The following GPC5 variants were observed in gnomAD, a reference collection of about 807,000 sequenced individuals.
The protein encoded by GPC5 is glypican 5.
Under a neutral mutation model 53.9 loss-of-function variants are expected in GPC5, and 47 were observed. The ratio of observed to expected loss-of-function variants is 0.87; its 90% CI spans 0.69 to 1.11. GPC5 has a LOEUF of 1.11. Among genes scored for constraint, GPC5 ranks in the 50% most tolerant of loss-of-function variants. The pLI is 0.00. For missense variants in GPC5, 748 were observed against 713.1 expected (o/e 1.05, Z -0.56); for synonymous variants, 286 against 263.3 (o/e 1.09, Z -0.84).
chr13:91,966,929 A>G (rs2040186450), intron 6 of GPC5, among the ~76,000 whole-genome samples: 1 of 152,218 alleles, frequency 6.6e-6, no homozygotes, highest in Admixed American at 6.5e-5. Context: ...CTTGAAGTTA[A>G]ATATTTGAAT....
intron 5 of GPC5, among the ~76,000 whole-genome samples, chr13:91,757,838 T>G (rs1254519821): frequency 2.6e-5 from 4 of 152,158 alleles, no homozygotes; most frequent in African/African-American, 9.6e-5. Context: ...ACAAAAGTGA[T>G]GAGTTCATTT....
intron 6 of GPC5, among the ~76,000 whole-genome samples, chr13:92,131,050 G>C (rs2041739023): frequency 6.6e-6 from 1 of 151,694 alleles, no homozygotes; most frequent in African/African-American, 2.4e-5. Context: ...ACTTGAATAG[G>C]CACTTTATTA....
At chr13:92,381,934 A>G (rs1356092378) in intron 7 of GPC5, among the ~76,000 whole-genome samples, 1 of 71,222 alleles carries the variant, frequency 1.4e-5, no homozygotes, top group Non-Finnish European at 3.3e-5. Flanking sequence ...ATATATGATT[A>G]TATATGAAAT....
chr13:92,091,793 A>G (rs1178073831), intron 6 of GPC5, among the ~76,000 whole-genome samples: 1 of 151,602 alleles, frequency 6.6e-6, no homozygotes, highest in Non-Finnish European at 1.5e-5. Context: ...ATGTGAAAGC[A>G]GTCAGGTTTT....
intron 7 of GPC5, among the ~76,000 whole-genome samples, chr13:92,666,242 G>C (rs1886560727): frequency 6.6e-6 from 1 of 152,014 alleles, no homozygotes; most frequent in Admixed American, 6.6e-5. Context: ...CCCTAGTGTT[G>C]TTTAGGATAC....
chr13:91,963,278 A>G (rs2139078092), intron 6 of GPC5, among the ~76,000 whole-genome samples: 2 of 152,272 alleles, frequency 1.3e-5, no homozygotes, highest in South Asian at 2.1e-4. Flanking sequence ...AACTATATGG[A>G]AAGCAAGGTG....
intron 7 of GPC5, among the ~76,000 whole-genome samples, chr13:92,540,075 A>G (rs2139000901): frequency 6.6e-6 from 1 of 152,082 alleles, no homozygotes; most frequent in South Asian, 2.1e-4. Context: ...TCATTATGTG[A>G]CTGTTTATAG....
chr13:92,507,199 CT>C (rs1477850278), intron 7 of GPC5, among the ~76,000 whole-genome samples: 1 of 152,176 alleles, frequency 6.6e-6, no homozygotes, highest in Non-Finnish European at 1.5e-5. Context: ...CAACTACTTA[CT>C]CAACCATCCC....
rs539971720 is a variant in GPC5 at position 92,297,926 on chromosome 13, G to C, written c.1561+152937G>C. ...ACTCCTGAGCCCAGCGAGAACACGA[G>C]CCCACTGGGAGGAACGAACAACTCC... On this transcript the variant is annotated intron_variant, in intron 7 of 7. Transcript: ENST00000377067. Among the ~76,000 whole-genome samples, 4 of 152,030 alleles carry C rather than the reference G, an allele frequency of 2.6e-5. No individual in the cohort carries two copies. The South Asian group carries it at 8.3e-4, about 32-fold the overall frequency.
chr13:92,582,871 T>A (rs1883414650), intron 7 of GPC5, among the ~76,000 whole-genome samples: 1 of 152,176 alleles, frequency 6.6e-6, no homozygotes, highest in African/African-American at 2.4e-5. Flanking sequence ...TTCTTTATTA[T>A]TTCTAATAGT....
At chr13:91,954,554 A>G (rs1205669474) in intron 6 of GPC5, among the ~76,000 whole-genome samples, 1 of 20,968 alleles carries the variant, frequency 4.8e-5, no homozygotes, top group East Asian at 3.0e-3. Flanking sequence ...ACTTCCACGT[A>G]TAAAAATTAG....
rs566877993 is a variant in GPC5 at position 92,734,192 on chromosome 13, G to A, written c.1562-132090G>A. Among the ~76,000 whole-genome samples, 8 of 151,862 alleles carry A rather than the reference G, an allele frequency of 5.3e-5. No individual in the cohort carries two copies. The South Asian group carries it at 1.7e-3, about 31-fold the overall frequency. ...CTCAGTTTCTTCTTATAGAAAGGAT[G>A]GATTTGGGTAAGATCTCCAGGGTAC... On this transcript the variant is annotated intron_variant, in intron 7 of 7. Coordinates refer to ENST00000377067, the MANE Select transcript of GPC5 (RefSeq NM_004466.6).
At chr13:92,325,103 G>GAC (rs140189672) in intron 7 of GPC5, among the ~76,000 whole-genome samples, 15,690 of 146,310 alleles carry the variant, frequency 0.11, 1,471 homozygotes, top group African/African-American at 0.25. Flanking sequence ...AATAACTTCT[G>GAC]ACACACACAC....
At chr13:92,574,242 T>A (rs974127004) in intron 7 of GPC5, among the ~76,000 whole-genome samples, 5 of 152,192 alleles carry the variant, frequency 3.3e-5, no homozygotes, top group Admixed American at 6.6e-5. Context: ...TTTATCTAAA[T>A]CCTGAAAGAG....
At chr13:92,676,552 T>C (rs778367506) in intron 7 of GPC5, among the ~76,000 whole-genome samples, 2 of 152,090 alleles carry the variant, frequency 1.3e-5, no homozygotes, top group Non-Finnish European at 2.9e-5. Context: ...ATAAGAAGTA[T>C]GGAGTCAGGC....
At chr13:92,612,862 G>A (rs1884486193) in intron 7 of GPC5, among the ~76,000 whole-genome samples, 1 of 151,964 alleles carries the variant, frequency 6.6e-6, no homozygotes, top group South Asian at 2.1e-4. Context: ...TGCAAAAGAT[G>A]GATATGTAAT....
At chr13:91,807,536 T>C (rs1420488207) in intron 5 of GPC5, among the ~76,000 whole-genome samples, 1 of 152,178 alleles carries the variant, frequency 6.6e-6, no homozygotes, top group Non-Finnish European at 1.5e-5. Flanking sequence ...ATTTTGTTTC[T>C]GCTACTTATT....
chr13:91,881,820 G>A (rs1469234165), intron 5 of GPC5, among the ~76,000 whole-genome samples: 3 of 152,138 alleles, frequency 2.0e-5, no homozygotes, highest in Non-Finnish European at 4.4e-5. Context: ...TACCTCACAT[G>A]AAAAAGGAGT....
chr13:92,468,529 A>G (rs1469794418), intron 7 of GPC5, among the ~76,000 whole-genome samples: 1 of 152,162 alleles, frequency 6.6e-6, no homozygotes, highest in Non-Finnish European at 1.5e-5. Context: ...CTGAGAAAAG[A>G]CAGGAATATA....
Sources: gnomAD v4.1 joint callset for allele counts (sites outside exome capture counted in the v4.1 genomes callset) on GRCh38, gnomAD v4.1.1 for gene constraint, MANE v1.5 for transcripts, NCBI Gene and HGNC (gene_info 2026-07-23, HGNC 2026-07-21) for gene names.